FZR1: variants seen among roughly 807,000 people sequenced by gnomAD.
FZR1 encodes fizzy and cell division cycle 20 related 1, also known as fizzy-related protein homolog.
Under a neutral mutation model 63.6 loss-of-function variants are expected in FZR1, and 11 were observed. That is an observed-to-expected ratio of 0.17 (90% CI 0.11 to 0.29). FZR1 has a LOEUF of 0.29. Among genes scored for constraint, FZR1 ranks in the 10% least tolerant of loss-of-function variants. FZR1 has a pLI of 1.00. For missense variants in FZR1, 440 were observed against 687.5 expected (o/e 0.64, Z 4.03); for synonymous variants, 328 against 297.9 (o/e 1.10, Z -1.04).
chr19:3,537,617 AGGAGGCCGGGGGGCCGGGGGCTGCAGG>A lies in FZR1; in HGVS notation c.*2788_*2814del, dbSNP rs1489849347. The A allele has an allele frequency of 2.0e-5, 3 of 152,962 alleles. No individual in the cohort carries two copies. Among genetic ancestry groups the A allele is most frequent in the Non-Finnish European group, 2.9e-5 (2 of 68,662 alleles). The allele number at this position is 152,962 out of a possible 1,614,324, so 9.5% of individuals were successfully genotyped here. A position where few individuals can be genotyped will look rare whatever the true frequency, so the allele number is the denominator to read the frequency against. On this transcript the variant is annotated 3_prime_UTR_variant, in exon 14 of 14. Transcript: ENST00000441788. ...TGGCTGGGAAGTGGCTGAGGGAGCC[AGGAGGCCGGGGGGCCGGGGGCTGCAGG>A]GGAGGCTGTGGGGGTCCTGGCAGCC...
rs1368210446 is a variant in FZR1, at chr19:3,526,079, C to G, written c.196-41C>G. 6.2e-6 allele frequency: 10 copies of G among 1,610,888 alleles called. No homozygotes were observed. Among genetic ancestry groups the G allele is most frequent in the Non-Finnish European group, 8.5e-6 (10 of 1,178,466 alleles). On this transcript the variant is annotated intron_variant, in intron 3 of 13. Transcript: ENST00000441788. This position sits in a 1 kb window ranked among gnomAD's most constrained non-coding sequence, Gnocchi z 5.4. ...TCCTTGCTCTAGGGCCGGGAACAAG[C>G]GGGCTCCTCGACCCCTCCCTCTCTG...
At position 3,516,093 on chromosome 19, in the gene FZR1, A is replaced by G. The variant is rs554539740; in HGVS notation, c.-34-6863A>G. On this transcript the variant is annotated intron_variant, in intron 1 of 13. Coordinates refer to ENST00000441788, the MANE Select transcript of FZR1 (RefSeq NM_016263.4). This position sits in a 1 kb window ranked among gnomAD's most constrained non-coding sequence, Gnocchi z 6.0. The stretch of plus-strand genomic sequence containing the variant: ...AAATACCGCATCACAGAGGATGTGC[A>G]TTTTTTAAATTTTGGAAGCAGTTGC... Among the ~76,000 whole-genome samples the G allele has an allele frequency of 4.6e-5, 7 of 152,276 alleles. 1 individual carries two copies. The highest frequency in any genetic ancestry group is 1.7e-4 in the African/African-American group (7 of 41,558).
rs1568241005 is a variant in FZR1 at position 3,533,254 on chromosome 19, GT to G, written c.1243-38del. ...GGCAGCAGGCATAGCACCCGGCCTC[GT>G]TGCCCCTCACCGACCGCAGCGCCCC... On this transcript the variant is annotated intron_variant, in intron 11 of 13. Coordinates refer to ENST00000441788, the MANE Select transcript of FZR1 (RefSeq NM_016263.4). This position sits in a 1 kb window ranked among gnomAD's most constrained non-coding sequence, Gnocchi z 4.9. 1 of 1,275,982 alleles carries G rather than the reference GT, an allele frequency of 7.8e-7. No homozygotes were observed. Among genetic ancestry groups the G allele is most frequent in the African/African-American group, 1.5e-5 (1 of 68,232 alleles). The allele number at this position is 1,275,982 out of a possible 1,614,324, so 79.0% of individuals were successfully genotyped here.
In FZR1 at chr19:3,525,480, T is replaced by A. The variant is rs1419414145; in HGVS notation, c.70-388T>A. On this transcript the variant is annotated intron_variant, in intron 2 of 13. Transcript: ENST00000441788. The surrounding 1 kb of genome is among the most constrained non-coding windows in gnomAD (Gnocchi z 4.2). ...TTTTTTGAGACGGAGTCTCGCTCTG[T>A]CGCCCAGGCTGGAGTGCAGTGGCAC... is the stretch of plus-strand genomic sequence containing the variant. 7.1e-6 allele frequency among the ~76,000 whole-genome samples: 1 copy of A among 140,136 alleles called. No individual in the cohort carries two copies. Among genetic ancestry groups the A allele is most frequent in the Non-Finnish European group, 1.5e-5 (1 of 65,670 alleles). 91.9% of individuals were successfully genotyped at this position (140,136 alleles called of 152,430 possible).
At chr19:3,524,250 C>T (rs1310952512) in intron 2 of FZR1, among the ~76,000 whole-genome samples, 1 of 152,160 alleles carries the variant, frequency 6.6e-6, no homozygotes, top group Non-Finnish European at 1.5e-5. Context: ...CCCAGCAGTG[C>T]GTGGGAGGGC....
In FZR1 at chr19:3,516,204, G is replaced by A. The variant is rs1325543663; in HGVS notation, c.-34-6752G>A. On this transcript the variant is annotated intron_variant, in intron 1 of 13. Coordinates refer to ENST00000441788, the MANE Select transcript of FZR1 (RefSeq NM_016263.4). This position sits in a 1 kb window ranked among gnomAD's most constrained non-coding sequence, Gnocchi z 6.0. ...GGCTGTCTCTCCCCACGCCTGGGAT[G>A]GTGAGGCCGAGTCCCCCAGCCCACA... 6.6e-6 allele frequency among the ~76,000 whole-genome samples: 1 copy of A among 152,200 alleles called. No homozygotes were observed. Among genetic ancestry groups the A allele is most frequent in the Non-Finnish European group, 1.5e-5 (1 of 68,044 alleles).
At position 3,526,513 on chromosome 19, in the gene FZR1, C is replaced by G; in HGVS notation, c.387+127C>G. On this transcript the variant is annotated intron_variant, in intron 5 of 13. Coordinates refer to ENST00000441788, the MANE Select transcript of FZR1 (RefSeq NM_016263.4). This position sits in a 1 kb window ranked among gnomAD's most constrained non-coding sequence, Gnocchi z 5.4. ...GGGCCCAGCCACGGCTCAGCACCCCCGCCCTGACCCTGTTCCTTAGCCAGG... is the reference window on the plus strand; with the variant it reads ...GGGCCCAGCCACGGCTCAGCACCCCGGCCCTGACCCTGTTCCTTAGCCAGG... 5 of 691,060 alleles carry G rather than the reference C, an allele frequency of 7.2e-6. No individual in the cohort carries two copies. Among genetic ancestry groups the G allele is most frequent in the South Asian group, 7.1e-5 (4 of 56,724 alleles). The allele number at this position is 691,060 out of a possible 1,614,324, so 42.8% of individuals were successfully genotyped here.
intron 2 of FZR1, among the ~76,000 whole-genome samples, chr19:3,524,938 C>A (rs1355415742): frequency 6.6e-6 from 1 of 152,164 alleles, no homozygotes; most frequent in Non-Finnish European, 1.5e-5. Flanking sequence ...CAATCAGAGT[C>A]CCATTCCCAG....
At chr19:3,520,729 G>A (rs1171006482) in intron 1 of FZR1, among the ~76,000 whole-genome samples, 1 of 152,252 alleles carries the variant, frequency 6.6e-6, no homozygotes, top group Non-Finnish European at 1.5e-5. Context: ...TCCAACCCCA[G>A]GCCGGGAGCT....
intron 7 of FZR1, among the ~76,000 whole-genome samples, chr19:3,528,624 TGAGTGGATGGGA>T (rs570668761): frequency 0.015 from 2,182 of 150,310 alleles, 51 homozygotes; most frequent in African/African-American, 0.041. Flanking sequence ...AGAGAGTGAA[TGAGTGGATGGGA>T]GAGTGGATGG....
rs1433625811 is a variant in FZR1, at chr19:3,516,575, C to T, written c.-34-6381C>T. ...GCTGAGCACCGCTAGCAGCACCGGG[C>T]AAGTGTCCAGGTGAGGTGCCCCGGG... On this transcript the variant is annotated intron_variant, in intron 1 of 13. Coordinates refer to ENST00000441788, the MANE Select transcript of FZR1 (RefSeq NM_016263.4). The surrounding 1 kb of genome is among the most constrained non-coding windows in gnomAD (Gnocchi z 6.0). 6.6e-6 allele frequency among the ~76,000 whole-genome samples: 1 copy of T among 152,126 alleles called. No homozygotes were observed. Among genetic ancestry groups the T allele is most frequent in the Non-Finnish European group, 1.5e-5 (1 of 68,020 alleles).
intron 7 of FZR1, among the ~76,000 whole-genome samples, chr19:3,528,441 C>T (rs73527910): frequency 0.018 from 2,725 of 152,350 alleles, 74 homozygotes; most frequent in African/African-American, 0.061. Flanking sequence ...ATTTGAGCGT[C>T]CTCTCCCGGC....
rs554518003 is a variant in FZR1 at position 3,536,001 on chromosome 19, C to G, written c.*1165C>G. The stretch of plus-strand genomic sequence containing the variant: ...TGAGCTGAGCACTGCCCCCTCACCC[C>G]CCCACCACCCCTTCCCATTTCATCG... On this transcript the variant is annotated 3_prime_UTR_variant, in exon 14 of 14. Coordinates refer to ENST00000441788, the MANE Select transcript of FZR1 (RefSeq NM_016263.4). 2 of 152,410 alleles carry G rather than the reference C, an allele frequency of 1.3e-5. No individual in the cohort carries two copies. Among genetic ancestry groups the G allele is most frequent in the Non-Finnish European group, 2.9e-5 (2 of 68,234 alleles). The allele number at this position is 152,410 out of a possible 1,614,324, so 9.4% of individuals were successfully genotyped here. A position where few individuals can be genotyped will look rare whatever the true frequency, so the allele number is the denominator to read the frequency against.
At chr19:3,517,339 A>C (rs1381097010) in intron 1 of FZR1, among the ~76,000 whole-genome samples, 3 of 151,870 alleles carry the variant, frequency 2.0e-5, no homozygotes, top group Admixed American at 2.0e-4. Context: ...GCAGTAAGCC[A>C]TAATTGCACC....
At chr19:3,513,402 T>C (rs1211762171) in intron 1 of FZR1, among the ~76,000 whole-genome samples, 7 of 152,106 alleles carry the variant, frequency 4.6e-5, no homozygotes, top group Admixed American at 2.6e-4. Flanking sequence ...CTAGGACACT[T>C]CGCCTCCTGG....
Position 3,532,724 on chromosome 19 carries a change from G to C in FZR1, c.1242+74G>C, listed in dbSNP as rs1246941489. 1.7e-5 allele frequency: 17 copies of C among 1,019,964 alleles called. No homozygotes were observed. In the East Asian group the frequency reaches 3.8e-4, roughly 23 times the overall value. The allele number at this position is 1,019,964 out of a possible 1,614,324, so 63.2% of individuals were successfully genotyped here. ...TGCTGGCCCCTTACCTGCCACCTGAGAGCAGCCTGTGGGGAGATGGGTCAG... is the reference window on the plus strand; with the variant it reads ...TGCTGGCCCCTTACCTGCCACCTGACAGCAGCCTGTGGGGAGATGGGTCAG... On this transcript the variant is annotated intron_variant, in intron 11 of 13. Transcript: ENST00000441788.
Position 3,533,210 on chromosome 19 carries a change from C to T in FZR1, c.1243-84C>T. On this transcript the variant is annotated intron_variant, in intron 11 of 13. Transcript: ENST00000441788. This position sits in a 1 kb window ranked among gnomAD's most constrained non-coding sequence, Gnocchi z 4.9. ...TGGCGGCTCTGAGCTCTCACATGGG[C>T]TCAGGCGGGTGCATGTGAGGCAGCA... 2 of 847,572 alleles carry T rather than the reference C, an allele frequency of 2.4e-6. No individual in the cohort carries two copies. The highest frequency in any genetic ancestry group is 4.0e-6 in the Non-Finnish European group (2 of 499,702). 52.5% of individuals were successfully genotyped at this position (847,572 alleles called of 1,614,324 possible).
chr19:3,515,804 G>A lies in FZR1; in HGVS notation c.-34-7152G>A, dbSNP rs1216200157. On this transcript the variant is annotated intron_variant, in intron 1 of 13. Coordinates refer to ENST00000441788, the MANE Select transcript of FZR1 (RefSeq NM_016263.4). The surrounding 1 kb of genome is among the most constrained non-coding windows in gnomAD (Gnocchi z 4.6). Reference sequence around the variant, plus strand: ...AAAAGGAATTCAAGAAGTACAAAACGAGGTGCCAGGAGAAATAAGGCTTCT... The same window carrying A: ...AAAAGGAATTCAAGAAGTACAAAACAAGGTGCCAGGAGAAATAAGGCTTCT... 1.3e-5 allele frequency among the ~76,000 whole-genome samples: 2 copies of A among 149,916 alleles called. No individual in the cohort carries two copies. Among genetic ancestry groups the A allele is most frequent in the African/African-American group, 2.5e-5 (1 of 40,748 alleles).
At position 3,536,248 on chromosome 19, in the gene FZR1, A is replaced by C. The variant is rs1190148365; in HGVS notation, c.*1412A>C. 1 of 152,130 alleles carries C rather than the reference A, an allele frequency of 6.6e-6. No individual in the cohort carries two copies. Among genetic ancestry groups the C allele is most frequent in the Non-Finnish European group, 1.5e-5 (1 of 68,038 alleles). The allele number at this position is 152,130 out of a possible 1,614,324, so 9.4% of individuals were successfully genotyped here. ...TGGAAATGTTTGAGGCTAGACGGGG[A>C]GGGGCCAGGACCCACCCACTGCTCC... On this transcript the variant is annotated 3_prime_UTR_variant, in exon 14 of 14. Coordinates refer to ENST00000441788, the MANE Select transcript of FZR1 (RefSeq NM_016263.4).
Sources: allele counts gnomAD v4.1 joint callset (sites outside exome capture counted in the v4.1 genomes callset), GRCh38; gene constraint gnomAD v4.1.1; non-coding constraint Gnocchi (gnomAD v3.1); transcripts MANE v1.5; gene names NCBI Gene and HGNC (gene_info 2026-07-23, HGNC 2026-07-21).